HIVEP3: variants seen among roughly 807,000 people sequenced by gnomAD.
HIVEP3 encodes the protein transcription factor HIVEP3.
Under a neutral mutation model 152.8 loss-of-function variants are expected in HIVEP3, and 49 were observed. The ratio of observed to expected loss-of-function variants is 0.32; its 90% CI spans 0.26 to 0.41. The LOEUF is 0.41. Among genes scored for constraint, HIVEP3 ranks in the 10% least tolerant of loss-of-function variants. HIVEP3 has a pLI of 1.00. For synonymous variants in HIVEP3, 1,269 were observed against 1,289.0 expected, an observed-to-expected ratio of 0.98 and a Z score of 0.33; for missense variants, 2,790 against 3,103.3, an observed-to-expected ratio of 0.90 and a Z score of 2.40.
At chr1:41,599,608 C>T (rs969322863) in intron 3 of HIVEP3, among the ~76,000 whole-genome samples, 1 of 152,116 alleles carries the variant, frequency 6.6e-6, no homozygotes, top group Non-Finnish European at 1.5e-5. Context: ...GACCTAAACT[C>T]AGAGATAAAA....
intron 3 of HIVEP3, among the ~76,000 whole-genome samples, chr1:41,588,233 G>A (rs927514902): frequency 6.6e-6 from 1 of 152,136 alleles, no homozygotes; most frequent in Admixed American, 6.5e-5. Flanking sequence ...TGCTATGTGT[G>A]GATAATCAAG....
intron 2 of HIVEP3, among the ~76,000 whole-genome samples, chr1:41,631,820 C>A (rs1349322497): frequency 2.0e-5 from 3 of 152,250 alleles, no homozygotes; most frequent in South Asian, 4.2e-4. Flanking sequence ...AGTTATTAAT[C>A]AAAATGGCCG....
At chr1:41,829,325 C>T (rs1642894716) in intron 1 of HIVEP3, among the ~76,000 whole-genome samples, 1 of 152,234 alleles carries the variant, frequency 6.6e-6, no homozygotes, top group Admixed American at 6.5e-5. Context: ...TGTTTTATCA[C>T]TTTCCAATTA....
intron 1 of HIVEP3, among the ~76,000 whole-genome samples, chr1:41,837,844 T>G (rs1643171067): frequency 6.6e-6 from 1 of 152,214 alleles, no homozygotes; most frequent in South Asian, 2.1e-4. Context: ...TTATTCCACA[T>G]GGCACCACCT....
intron 1 of HIVEP3, among the ~76,000 whole-genome samples, chr1:41,986,837 A>T (rs528304653): frequency 6.6e-6 from 1 of 152,348 alleles, no homozygotes; most frequent in African/African-American, 2.4e-5. Context: ...AATGAATACT[A>T]TTTATCAAAT....
intron 1 of HIVEP3, among the ~76,000 whole-genome samples, chr1:41,907,984 G>A (rs767303371): frequency 6.6e-6 from 1 of 152,188 alleles, no homozygotes; most frequent in African/African-American, 2.4e-5. Context: ...AGGTGGTGAA[G>A]CCTATAATTC....
At chr1:41,786,516 T>C (rs1466713492) in intron 1 of HIVEP3, among the ~76,000 whole-genome samples, 1 of 152,210 alleles carries the variant, frequency 6.6e-6, no homozygotes, top group Non-Finnish European at 1.5e-5. Flanking sequence ...TCTGAGATGC[T>C]GCCTGTTTCT....
chr1:41,870,140 G>A (rs925685625), intron 1 of HIVEP3, among the ~76,000 whole-genome samples: 2 of 152,062 alleles, frequency 1.3e-5, no homozygotes, highest in Non-Finnish European at 2.9e-5. Context: ...ATGACTCCAA[G>A]AAGGGAAGGT....
chr1:41,633,350 C>T, intron 2 of HIVEP3, among the ~76,000 whole-genome samples: 1 of 152,292 alleles, frequency 6.6e-6, no homozygotes, highest in South Asian at 2.1e-4. Context: ...CCCAGCCGGG[C>T]AGTGAGGGCC....
Position 41,511,012 on chromosome 1 carries a change from G to C in HIVEP3, c.6660C>G (p.Ala2220=). The change falls in exon 9 of 9, where the codon GCC becomes GCG. Residue 2220 remains alanine, a synonymous_variant. Transcript: ENST00000372583. The surrounding 1 kb of genome is among the most constrained non-coding windows in gnomAD (Gnocchi z 4.9). ...HPTLLPGPTA[A]WVSGFSGGGS... Reference sequence around the variant, plus strand: ...CACCCCCGGAGAAGCCACTGACCCAGGCTGCGGTGGGCCCTGGCAGCAGGG... The same window carrying C: ...CACCCCCGGAGAAGCCACTGACCCACGCTGCGGTGGGCCCTGGCAGCAGGG... 2 of 1,613,534 alleles carry C rather than the reference G, an allele frequency of 1.2e-6. No homozygotes were observed. Among genetic ancestry groups the C allele is most frequent in the Non-Finnish European group, 1.7e-6 (2 of 1,179,744 alleles).
At chr1:41,600,330 G>A (rs1461197888) in intron 3 of HIVEP3, among the ~76,000 whole-genome samples, 1 of 152,192 alleles carries the variant, frequency 6.6e-6, no homozygotes, top group Non-Finnish European at 1.5e-5. Flanking sequence ...GTCCATTGAT[G>A]AATGAATGGA....
intron 1 of HIVEP3, among the ~76,000 whole-genome samples, chr1:41,887,353 C>T (rs1270881697): frequency 6.6e-6 from 1 of 152,100 alleles, no homozygotes; most frequent in Non-Finnish European, 1.5e-5. Flanking sequence ...CACCATGGTA[C>T]CTAATTTTGT....
intron 5 of HIVEP3, among the ~76,000 whole-genome samples, chr1:41,544,751 CACCACCATCACCACCACTACCACT>C (rs2149072601): frequency 2.1e-5 from 3 of 141,556 alleles, no homozygotes; most frequent in African/African-American, 6.0e-5. Flanking sequence ...CCACCACTAC[CACCACCATCACCACCACTACCACT>C]ACCTCTACCT....
chr1:42,011,690 G>T (rs1466734029), intron 1 of HIVEP3, among the ~76,000 whole-genome samples: 1 of 152,194 alleles, frequency 6.6e-6, no homozygotes, highest in Non-Finnish European at 1.5e-5. Context: ...TGGTCCTCAT[G>T]TTGGCCTCAA....
At position 41,733,390 on chromosome 1, in the gene HIVEP3, C is replaced by A. The variant is rs77395960; in HGVS notation, c.-800-32395G>T. On this transcript the variant is annotated intron_variant, in intron 1 of 8. Transcript: ENST00000372583. The stretch of plus-strand genomic sequence containing the variant: ...TGACAATGGAGGATGTAGATTTCAC[C>A]CAAGGCCTTACCTTGAACCCTCCCC... 1.0e-2 allele frequency among the ~76,000 whole-genome samples: 1,519 copies of A among 152,330 alleles called. 43 individuals are homozygous for A. The East Asian group carries it at 0.11, about 11-fold the overall frequency.
chr1:41,731,299 C>T (rs1457272766), intron 1 of HIVEP3, among the ~76,000 whole-genome samples: 2 of 152,128 alleles, frequency 1.3e-5, no homozygotes, highest in African/African-American at 4.8e-5. Flanking sequence ...TCACAGCCTA[C>T]CCCAGTGGCA....
chr1:41,573,714 T>C (rs908676784), intron 5 of HIVEP3, among the ~76,000 whole-genome samples: 2 of 152,164 alleles, frequency 1.3e-5, no homozygotes, highest in Admixed American at 1.3e-4. Context: ...TTCCCCCTTT[T>C]ACAAATGTTA....
chr1:41,981,120 A>T (rs919321094), intron 1 of HIVEP3, among the ~76,000 whole-genome samples: 2 of 152,196 alleles, frequency 1.3e-5, no homozygotes, highest in African/African-American at 4.8e-5. Context: ...CTGGGCCCAG[A>T]GGCAAGGAGA....
At chr1:41,512,675 A>G in intron 8 of HIVEP3, 141 bp downstream of exon 8, 1 of 708,572 alleles carries the variant, frequency 1.4e-6, no homozygotes, top group Non-Finnish European at 2.2e-6. Flanking sequence ...GTAGGTGCCT[A>G]ATAAATGTTT....
Sources: allele counts gnomAD v4.1 joint callset (sites outside exome capture counted in the v4.1 genomes callset), GRCh38; gene constraint gnomAD v4.1.1; non-coding constraint Gnocchi (gnomAD v3.1); transcripts MANE v1.5; gene names NCBI Gene and HGNC (gene_info 2026-07-23, HGNC 2026-07-21).